The following SYNPR variants were observed in gnomAD, a reference collection of about 807,000 sequenced individuals.
SYNPR encodes synaptoporin.
SYNPR carries 23 observed loss-of-function variants against 32.9 expected under a neutral mutation model. The observed-to-expected ratio is 0.70, with a 90% CI of 0.50 to 0.99. The LOEUF (loss-of-function observed/expected upper bound fraction) is 0.99. Ranked by LOEUF, SYNPR falls within the 50% of genes least tolerant of loss-of-function variation. The pLI is 0.00. For missense variants in SYNPR, 318 were observed against 349.3 expected (o/e 0.91, Z 0.71); for synonymous variants, 146 against 135.9 (o/e 1.07, Z -0.52).
intron 3 of SYNPR, among the ~76,000 whole-genome samples, chr3:63,531,397 G>A (rs758966842): frequency 2.6e-5 from 4 of 152,066 alleles, no homozygotes; most frequent in Non-Finnish European, 5.9e-5. Flanking sequence ...AATCTCTGAT[G>A]TTCCTTAGCT....
chr3:63,264,944 A>G (rs1412934992), intron 2 of SYNPR, among the ~76,000 whole-genome samples: 2 of 151,926 alleles, frequency 1.3e-5, no homozygotes, highest in African/African-American at 2.4e-5. Flanking sequence ...CCATGATTCA[A>G]TTGCTTCCAC....
intron 2 of SYNPR, among the ~76,000 whole-genome samples, chr3:63,434,374 C>G (rs945215448): frequency 5.9e-5 from 9 of 152,176 alleles, no homozygotes. Context: ...TATTTATATA[C>G]CTCAGCATTT....
In SYNPR at chr3:63,379,250, A is replaced by G. The variant is rs76118072; in HGVS notation, c.84+100508A>G. Reference sequence around the variant, plus strand: ...CTTTGTATGTGTTCATAGGAACTTGAAAAGTATGTATATCCTGCTGTTGAA... The same window carrying G: ...CTTTGTATGTGTTCATAGGAACTTGGAAAGTATGTATATCCTGCTGTTGAA... On this transcript the variant is annotated intron_variant, in intron 2 of 5. Coordinates refer to ENST00000478300, the MANE Select transcript of SYNPR (RefSeq NM_001130003.2). Among the ~76,000 whole-genome samples, 1,103 of 152,226 alleles carry G rather than the reference A, an allele frequency of 7.2e-3. 5 individuals are homozygous for G. The highest frequency in any genetic ancestry group is 0.017 in the East Asian group (88 of 5,176).
At chr3:63,453,972 A>G (rs1700430903) in intron 2 of SYNPR, among the ~76,000 whole-genome samples, 1 of 152,136 alleles carries the variant, frequency 6.6e-6, no homozygotes, top group Admixed American at 6.6e-5. Flanking sequence ...GTAGATAGAA[A>G]CCTATTTAGA....
chr3:63,328,102 C>A (rs1476217729), intron 2 of SYNPR, among the ~76,000 whole-genome samples: 2 of 152,120 alleles, frequency 1.3e-5, no homozygotes, highest in African/African-American at 4.8e-5. Context: ...TAGGTTTTAA[C>A]ATGACTTTTA....
the SYNPR span, among the ~76,000 whole-genome samples, chr3:63,211,508 T>C: frequency 1.3e-5 from 2 of 152,222 alleles, no homozygotes; most frequent in African/African-American, 4.8e-5. Flanking sequence ...CTCTATAGGC[T>C]AATCCTGCTA....
the SYNPR span, among the ~76,000 whole-genome samples, chr3:63,202,418 G>C: frequency 3.9e-5 from 6 of 152,234 alleles, no homozygotes; most frequent in Non-Finnish European, 8.8e-5. Flanking sequence ...GCCCAGATGG[G>C]AGAAGAGAAG....
chr3:63,253,738 T>C (rs1019877468), intron 2 of SYNPR, among the ~76,000 whole-genome samples: 10 of 152,134 alleles, frequency 6.6e-5, no homozygotes, highest in Admixed American at 4.6e-4. Flanking sequence ...ACTAGTTCAA[T>C]CATTGTGGAA....
chr3:63,556,873 A>G, intron 4 of SYNPR, 132 bp downstream of exon 4: 1 of 913,174 alleles, frequency 1.1e-6, no homozygotes, highest in Non-Finnish European at 1.6e-6. Flanking sequence ...TTTTTATCCA[A>G]ATCTCTCGAA....
At chr3:63,232,497 G>C (rs914648634) in intron 1 of SYNPR, among the ~76,000 whole-genome samples, 5 of 152,100 alleles carry the variant, frequency 3.3e-5, no homozygotes, top group African/African-American at 1.2e-4. Flanking sequence ...GCCACACCGT[G>C]CCCTGCCCCA....
chr3:63,578,263 C>T (rs146901378), intron 4 of SYNPR, among the ~76,000 whole-genome samples: 163 of 152,254 alleles, frequency 1.1e-3, no homozygotes, highest in African/African-American at 3.7e-3. Context: ...AGCCATGTTA[C>T]TTACCTTGGG....
intron 2 of SYNPR, among the ~76,000 whole-genome samples, chr3:63,365,841 G>A (rs2087723180): frequency 6.6e-6 from 1 of 152,160 alleles, no homozygotes; most frequent in South Asian, 2.1e-4. Flanking sequence ...GAAAAGCAAT[G>A]TGAACATGTT....
At chr3:63,286,349 T>A (rs1222515548) in intron 2 of SYNPR, among the ~76,000 whole-genome samples, 1 of 152,158 alleles carries the variant, frequency 6.6e-6, no homozygotes, top group East Asian at 1.9e-4. Context: ...CCATAGACAA[T>A]TTCGTACACT....
intron 2 of SYNPR, among the ~76,000 whole-genome samples, chr3:63,428,551 G>A (rs1699930732): frequency 6.6e-6 from 1 of 152,178 alleles, no homozygotes; most frequent in Non-Finnish European, 1.5e-5. Flanking sequence ...AAAACAGTAG[G>A]CGTTTATTAT....
At chr3:63,327,255 A>G (rs561121388) in intron 2 of SYNPR, among the ~76,000 whole-genome samples, 1 of 152,278 alleles carries the variant, frequency 6.6e-6, no homozygotes, top group South Asian at 2.1e-4. Context: ...AAGGATATAG[A>G]ACAACTAGAA....
intron 2 of SYNPR, among the ~76,000 whole-genome samples, chr3:63,436,805 C>A (rs1381660466): frequency 6.6e-6 from 1 of 152,108 alleles, no homozygotes; most frequent in Non-Finnish European, 1.5e-5. Flanking sequence ...AATCGGATTT[C>A]CATACTCCCT....
upstream of SYNPR, among the ~76,000 whole-genome samples, chr3:63,225,618 G>A (rs909584637): frequency 2.0e-5 from 3 of 152,026 alleles, no homozygotes; most frequent in African/African-American, 7.2e-5. Context: ...TTGTAAACTG[G>A]AACCCATCTC....
upstream of SYNPR, among the ~76,000 whole-genome samples, chr3:63,227,618 G>A (rs1385100251): frequency 6.6e-6 from 1 of 152,102 alleles, no homozygotes; most frequent in Non-Finnish European, 1.5e-5. Flanking sequence ...CTCTATATTT[G>A]GCATGTAGGC....
At chr3:63,404,257 G>A (rs2088329519) in intron 2 of SYNPR, among the ~76,000 whole-genome samples, 1 of 152,186 alleles carries the variant, frequency 6.6e-6, no homozygotes, top group African/African-American at 2.4e-5. Flanking sequence ...TCCACATCTA[G>A]AATGTGATGT....
Sources: gnomAD v4.1 joint callset for allele counts (sites outside exome capture counted in the v4.1 genomes callset) on GRCh38, gnomAD v4.1.1 for gene constraint, MANE v1.5 for transcripts, NCBI Gene and HGNC (gene_info 2026-07-23, HGNC 2026-07-21) for gene names.